PPFIA2: variants seen among roughly 807,000 people sequenced by gnomAD.
The protein encoded by PPFIA2 is liprin-alpha-2.
Under a neutral mutation model 175.5 loss-of-function variants are expected in PPFIA2, and 46 were observed. The ratio of observed to expected loss-of-function variants is 0.26; its 90% CI spans 0.21 to 0.34. PPFIA2 has a LOEUF of 0.34. Among genes scored for constraint, PPFIA2 ranks in the 10% least tolerant of loss-of-function variants. The probability of loss-of-function intolerance (pLI) is 1.00; values close to 1 mark genes in which losing one functional copy is unlikely to be tolerated. For missense variants in PPFIA2, 1,179 were observed against 1,506.1 expected (o/e 0.78, Z 3.60); for synonymous variants, 568 against 511.4 (o/e 1.11, Z -1.49).
chr12:81,510,589 AC>A, intron 4 of PPFIA2, among the ~76,000 whole-genome samples: 1 of 152,150 alleles, frequency 6.6e-6, no homozygotes, highest in Non-Finnish European at 1.5e-5. Flanking sequence ...AATTTTAGCA[AC>A]AACAAAGGAG....
chr12:81,642,657 T>TATATTA (rs1491417980), intron 4 of PPFIA2, among the ~76,000 whole-genome samples: 1 of 114,370 alleles, frequency 8.7e-6, no homozygotes, highest in African/African-American at 3.1e-5. Context: ...CATGTATGTA[T>TATATTA]CTATTATATA....
At chr12:81,344,267 C>T (rs551553395) in intron 19 of PPFIA2, among the ~76,000 whole-genome samples, 3 of 151,826 alleles carry the variant, frequency 2.0e-5, no homozygotes, top group Non-Finnish European at 4.4e-5. Context: ...TTCTCCCAAT[C>T]TGTTGTCCTC....
At chr12:81,319,544 T>C (rs969754364) in intron 22 of PPFIA2, among the ~76,000 whole-genome samples, 1 of 151,802 alleles carries the variant, frequency 6.6e-6, no homozygotes, top group Non-Finnish European at 1.5e-5. Flanking sequence ...AAATGTTGTA[T>C]ATTATTATAT....
chr12:81,400,956 G>T (rs2042002203), intron 8 of PPFIA2, among the ~76,000 whole-genome samples: 1 of 152,080 alleles, frequency 6.6e-6, no homozygotes, highest in Non-Finnish European at 1.5e-5. Context: ...AAAATTCACT[G>T]CATATAGTTA....
intron 27 of PPFIA2, among the ~76,000 whole-genome samples, chr12:81,279,805 T>G (rs901691877): frequency 3.3e-5 from 5 of 152,238 alleles, no homozygotes; most frequent in East Asian, 3.9e-4. Context: ...AGCCCTAAAC[T>G]TCCCGTGACA....
At chr12:81,647,622 G>A (rs561517878) in intron 4 of PPFIA2, among the ~76,000 whole-genome samples, 9 of 151,208 alleles carry the variant, frequency 6.0e-5, no homozygotes, top group South Asian at 2.1e-4. Flanking sequence ...TTAGCCGGGC[G>A]TGGTGGCGGG....
chr12:81,570,701 TAAA>T (rs201537242), intron 4 of PPFIA2, among the ~76,000 whole-genome samples: 229 of 148,770 alleles, frequency 1.5e-3, no homozygotes, highest in African/African-American at 1.9e-3. Flanking sequence ...TATAATTACA[TAAA>T]AATATAATAT....
intron 13 of PPFIA2, chr12:81,368,200 T>C (rs1180277755): frequency 8.0e-7 from 1 of 1,249,566 alleles, no homozygotes; most frequent in Non-Finnish European, 1.0e-6. Flanking sequence ...GTAAATCACA[T>C]TGCAGACTGT....
chr12:81,486,783 G>A (rs568300068), intron 4 of PPFIA2, among the ~76,000 whole-genome samples: 70 of 151,800 alleles, frequency 4.6e-4, no homozygotes, highest in African/African-American at 1.7e-3. Flanking sequence ...AATAATAATA[G>A]ATGATAACAT....
chr12:81,288,018 T>C (rs967897480), intron 24 of PPFIA2, among the ~76,000 whole-genome samples: 1 of 151,892 alleles, frequency 6.6e-6, no homozygotes, highest in Non-Finnish European at 1.5e-5. Context: ...GTCATTTTTT[T>C]GTGGCTAATA....
intron 3 of PPFIA2, among the ~76,000 whole-genome samples, chr12:81,718,899 G>A (rs1022021226): frequency 4.6e-4 from 70 of 151,636 alleles, no homozygotes; most frequent in African/African-American, 1.6e-3. Context: ...TTGGGAAAGG[G>A]AAATAGTGAT....
intron 4 of PPFIA2, among the ~76,000 whole-genome samples, chr12:81,540,477 A>C (rs1388023774): frequency 1.3e-5 from 2 of 152,064 alleles, no homozygotes; most frequent in Admixed American, 6.6e-5. Flanking sequence ...ATGCTTTGTC[A>C]GCTGAAGAAC....
At chr12:81,583,289 A>G (rs2074688725) in intron 4 of PPFIA2, among the ~76,000 whole-genome samples, 1 of 151,842 alleles carries the variant, frequency 6.6e-6, no homozygotes, top group Non-Finnish European at 1.5e-5. Flanking sequence ...AAGCCATTTG[A>G]TGTAAATTGT....
intron 3 of PPFIA2, among the ~76,000 whole-genome samples, chr12:81,727,763 T>A (rs1408147562): frequency 6.6e-6 from 1 of 151,428 alleles, no homozygotes; most frequent in Non-Finnish European, 1.5e-5. Context: ...AACTTTCAGG[T>A]GATCCTGATG....
chr12:81,590,844 T>C (rs2153442738), intron 4 of PPFIA2, among the ~76,000 whole-genome samples: 1 of 152,260 alleles, frequency 6.6e-6, no homozygotes, highest in South Asian at 2.1e-4. Context: ...CTTCCCAGTC[T>C]TGGGTATGTC....
At chr12:81,589,607 A>G (rs976838885) in intron 4 of PPFIA2, among the ~76,000 whole-genome samples, 9 of 152,158 alleles carry the variant, frequency 5.9e-5, no homozygotes, top group African/African-American at 1.9e-4. Context: ...TACATAGTTT[A>G]GAATACTTTT....
chr12:81,637,303 T>C (rs2064232455), intron 4 of PPFIA2, among the ~76,000 whole-genome samples: 1 of 127,738 alleles, frequency 7.8e-6, no homozygotes, highest in South Asian at 2.7e-4. Context: ...GGGGTTTCTC[T>C]ATGTTGGTCA....
At chr12:81,299,234 C>T (rs550344371) in intron 23 of PPFIA2, 67 bp downstream of exon 23, 3 of 1,486,102 alleles carry the variant, frequency 2.0e-6, no homozygotes, top group South Asian at 2.7e-5. Flanking sequence ...CTTGCCGTTA[C>T]CTGTCTCAAA....
At chr12:81,689,125 A>T (rs1032110552) in intron 3 of PPFIA2, among the ~76,000 whole-genome samples, 1 of 41,358 alleles carries the variant, frequency 2.4e-5, no homozygotes, top group Non-Finnish European at 3.8e-5. Flanking sequence ...TCTTAAATTT[A>T]AAAAAAAACA....
Sources: gnomAD v4.1 joint callset for allele counts (sites outside exome capture counted in the v4.1 genomes callset) on GRCh38, gnomAD v4.1.1 for gene constraint, MANE v1.5 for transcripts, NCBI Gene and HGNC (gene_info 2026-07-23, HGNC 2026-07-21) for gene names.